The following MEOX1 variants were observed in gnomAD, a reference collection of about 807,000 sequenced individuals.
MEOX1 encodes homeobox protein MOX-1.
MEOX1 carries 17 observed loss-of-function variants against 23.2 expected under a neutral mutation model. The ratio of observed to expected loss-of-function variants is 0.73; its 90% confidence interval spans 0.50 to 1.10. The LOEUF (loss-of-function observed/expected upper bound fraction) is 1.10, where lower values mean the gene tolerates loss of function less well. Ranked by LOEUF, MEOX1 falls within the 50% of genes least tolerant of loss-of-function variation. The pLI is 0.00. For synonymous variants in MEOX1, 134 were observed against 135.1 expected, an observed-to-expected ratio of 0.99 and a Z score of 0.06; for missense variants, 333 against 332.2, an observed-to-expected ratio of 1.00 and a Z score of -0.02.
chr17:43,643,929 G>GACCT (rs1972753989), intron 1 of MEOX1, among the ~76,000 whole-genome samples: 2 of 118,954 alleles, frequency 1.7e-5, no homozygotes, highest in Non-Finnish European at 3.1e-5. Context: ...AGCATAAGAA[G>GACCT]CTACTCTTGG....
At chr17:43,647,680 C>T (rs891749788) in intron 1 of MEOX1, among the ~76,000 whole-genome samples, 1 of 152,194 alleles carries the variant, frequency 6.6e-6, no homozygotes, top group Admixed American at 6.5e-5. Context: ...TCCCCCACCC[C>T]AGTTCTGCAA....
At position 43,643,438 on chromosome 17, in the gene MEOX1, G is replaced by C. The variant is rs975200690; in HGVS notation, c.642+50C>G. Reference sequence around the variant, plus strand: ...GGAGGGGTGGTGGGAAAGGAGGGAAGGGAGGGAGATGAGAGAGCAAAGAAG... The same window carrying C: ...GGAGGGGTGGTGGGAAAGGAGGGAACGGAGGGAGATGAGAGAGCAAAGAAG... On this transcript the variant is annotated intron_variant, in intron 2 of 2. Transcript: ENST00000318579. 9 of 1,478,758 alleles carry C rather than the reference G, an allele frequency of 6.1e-6. No homozygotes were observed. In the African/African-American group the frequency reaches 9.8e-5, roughly 16 times the overall value. 91.6% of individuals were successfully genotyped at this position (1,478,758 alleles called of 1,614,324 possible).
Position 43,660,196 on chromosome 17 carries a change from G to A in MEOX1, c.469+870C>T, listed in dbSNP as rs1024046247. On this transcript the variant is annotated intron_variant, in intron 1 of 2. Coordinates refer to ENST00000318579, the MANE Select transcript of MEOX1 (RefSeq NM_004527.4). The stretch of plus-strand genomic sequence containing the variant: ...GACAGGTATAGTGAGCAACCAGGGA[G>A]GGCCTGGTGGGGAGGTGAGGAAGCA... 3.3e-5 allele frequency among the ~76,000 whole-genome samples: 5 copies of A among 152,212 alleles called. No individual in the cohort carries two copies. In the East Asian group the frequency reaches 9.6e-4, roughly 29 times the overall value.
chr17:43,643,741 C>T, intron 1 of MEOX1, 81 bp from the exon 2 acceptor site: 1 of 1,001,302 alleles, frequency 1.0e-6, no homozygotes, highest in Non-Finnish European at 1.4e-6. Context: ...AGCAACTAGG[C>T]AGTCTTTACC....
chr17:43,640,403 A>G lies in MEOX1; in HGVS notation c.*1507T>C, dbSNP rs1167217924. Reference sequence around the variant, plus strand: ...GGCCTGGGAACTTTGCTTTTTATTGATTTTATTTCTCCGAGAGTTTTCTTA... The same window carrying G: ...GGCCTGGGAACTTTGCTTTTTATTGGTTTTATTTCTCCGAGAGTTTTCTTA... On this transcript the variant is annotated 3_prime_UTR_variant, in exon 3 of 3. Coordinates refer to ENST00000318579, the MANE Select transcript of MEOX1 (RefSeq NM_004527.4). The G allele has an allele frequency of 2.0e-5, 3 of 152,130 alleles. No homozygotes were observed. Among genetic ancestry groups the G allele is most frequent in the Non-Finnish European group, 4.4e-5 (3 of 68,022 alleles). 9.4% of individuals were successfully genotyped at this position (152,130 alleles called of 1,614,324 possible). A position where few individuals can be genotyped will look rare whatever the true frequency, so the allele number is the denominator to read the frequency against.
At chr17:43,648,818 G>A (rs975223433) in intron 1 of MEOX1, among the ~76,000 whole-genome samples, 1 of 152,146 alleles carries the variant, frequency 6.6e-6, no homozygotes, top group East Asian at 1.9e-4. Flanking sequence ...CTGTTCCAAA[G>A]CCCTCCCCAG....
At position 43,641,900 on chromosome 17, in the gene MEOX1, A is replaced by G; in HGVS notation, c.*10T>C. 6.2e-7 allele frequency: 1 copy of G among 1,610,366 alleles called. No homozygotes were observed. The highest frequency in any genetic ancestry group is 8.5e-7 in the Non-Finnish European group (1 of 1,178,478). ...CTCAGTCCTTAGTCATTTTTCCTCC[A>G]TGCAGAATCTCACTCTGAACTTGGA... On this transcript the variant is annotated 3_prime_UTR_variant, in exon 3 of 3. Transcript: ENST00000318579.
intron 1 of MEOX1, among the ~76,000 whole-genome samples, chr17:43,653,004 T>G (rs1438380525): frequency 2.0e-5 from 3 of 150,420 alleles, no homozygotes; most frequent in Non-Finnish European, 4.4e-5. Context: ...GCTAATTTTT[T>G]TATATTTTTA....
chr17:43,654,550 G>A (rs1309687031), intron 1 of MEOX1, among the ~76,000 whole-genome samples: 1 of 151,964 alleles, frequency 6.6e-6, no homozygotes, highest in Non-Finnish European at 1.5e-5. Flanking sequence ...GTCAGGTGTA[G>A]TGGTTCACAC....
rs576388541 is a variant in MEOX1 at position 43,653,222 on chromosome 17, C to A, written c.469+7844G>T. Among the ~76,000 whole-genome samples, 5 of 151,572 alleles carry A rather than the reference C, an allele frequency of 3.3e-5. No individual in the cohort carries two copies. The South Asian group carries it at 1.0e-3, about 32-fold the overall frequency. ...TGGCACGATCTTGGCTCACAGCAAC[C>A]TCTACCTCCCTGGTTCAAGCGATTT... is the stretch of plus-strand genomic sequence containing the variant. On this transcript the variant is annotated intron_variant, in intron 1 of 2. Transcript: ENST00000318579.
At chr17:43,651,826 G>A (rs1033165521) in intron 1 of MEOX1, among the ~76,000 whole-genome samples, 11 of 152,222 alleles carry the variant, frequency 7.2e-5, no homozygotes, top group Admixed American at 1.3e-4. Flanking sequence ...GGAGAGTGGC[G>A]GAGCAGAGCT....
In MEOX1 at chr17:43,641,323, T is replaced by C. The variant is rs1972690761; in HGVS notation, c.*587A>G. 1 of 152,382 alleles carries C rather than the reference T, an allele frequency of 6.6e-6. No individual in the cohort carries two copies. The highest frequency in any genetic ancestry group is 1.5e-5 in the Non-Finnish European group (1 of 68,166). 9.4% of individuals were successfully genotyped at this position (152,382 alleles called of 1,614,324 possible). On this transcript the variant is annotated 3_prime_UTR_variant, in exon 3 of 3. Transcript: ENST00000318579. ...AAATTTGGAGACAGGGATGTGTTTC[T>C]GGCTTGCAGCAGCTGAGTTGCTGTC...
rs776965967 is a variant in MEOX1, at chr17:43,661,488, G to T, written c.47C>A (p.Ala16Asp). The change falls in exon 1 of 3, where the codon GCC becomes GAC. Residue 16 changes from alanine (A) to aspartate (D), a missense_variant. Physicochemically the swap from Ala to Asp is moderately radical, Grantham distance 126. Coordinates refer to ENST00000318579, the MANE Select transcript of MEOX1 (RefSeq NM_004527.4). ...GTTTCGAAGGCAGCCCCAGACAGGGGCTGGGGGCTGGAGGCTCCTCATGCA... is the reference window on the plus strand; with the variant it reads ...GTTTCGAAGGCAGCCCCAGACAGGGTCTGGGGGCTGGAGGCTCCTCATGCA... Reference protein sequence around the residue: ...SSCMRSLQPPAPVWGCLRNPH... With the variant: ...SSCMRSLQPPDPVWGCLRNPH... 2 of 1,604,198 alleles carry T rather than the reference G, an allele frequency of 1.2e-6. No individual in the cohort carries two copies. Among genetic ancestry groups the T allele is most frequent in the South Asian group, 1.1e-5 (1 of 89,670 alleles).
In MEOX1 at chr17:43,661,891, C is replaced by T; in HGVS notation, c.-357G>A. ...CGCACCAGCTGACGAGGAGTTCGTC[C>T]TGGAGCCCAGAGCAAATGCCTGCAG... On this transcript the variant is annotated 5_prime_UTR_variant, in exon 1 of 3. Coordinates refer to ENST00000318579, the MANE Select transcript of MEOX1 (RefSeq NM_004527.4). 1 of 189,648 alleles carries T rather than the reference C, an allele frequency of 5.3e-6. No individual in the cohort carries two copies. Among genetic ancestry groups the T allele is most frequent in the Non-Finnish European group, 1.1e-5 (1 of 93,538 alleles). The allele number at this position is 189,648 out of a possible 1,614,324, so 11.7% of individuals were successfully genotyped here. A position where few individuals can be genotyped will look rare whatever the true frequency, so the allele number is the denominator to read the frequency against.
chr17:43,652,115 C>T (rs1348937720), intron 1 of MEOX1, among the ~76,000 whole-genome samples: 1 of 152,136 alleles, frequency 6.6e-6, no homozygotes, highest in Non-Finnish European at 1.5e-5. Flanking sequence ...CGGGGATGCC[C>T]AGAGGGATAC....
chr17:43,658,381 C>T (rs1029672454), intron 1 of MEOX1, among the ~76,000 whole-genome samples: 1 of 152,006 alleles, frequency 6.6e-6, no homozygotes, highest in East Asian at 1.9e-4. Context: ...GGGGCGTGCG[C>T]CTATAATCCC....
intron 1 of MEOX1, 32 bp from the exon 2 acceptor site, chr17:43,643,692 TG>T: frequency 1.3e-6 from 2 of 1,593,476 alleles, no homozygotes; most frequent in Non-Finnish European, 1.7e-6. Context: ...CAGGAAGACA[TG>T]GGCTGAGGGA....
At chr17:43,646,607 T>C (rs1193762474) in intron 1 of MEOX1, among the ~76,000 whole-genome samples, 3 of 87,714 alleles carry the variant, frequency 3.4e-5, no homozygotes, top group Non-Finnish European at 7.3e-5. Flanking sequence ...CATCAAGAAA[T>C]TGAGGAAATT....
chr17:43,655,545 C>T (rs1972999735), intron 1 of MEOX1, among the ~76,000 whole-genome samples: 1 of 150,948 alleles, frequency 6.6e-6, no homozygotes, highest in South Asian at 2.1e-4. Flanking sequence ...AGAAGGAGGC[C>T]AGGCATGGTG....
Sources: gnomAD v4.1 joint callset for allele counts (sites outside exome capture counted in the v4.1 genomes callset) on GRCh38, gnomAD v4.1.1 for gene constraint, MANE v1.5 for transcripts, NCBI Gene and HGNC (gene_info 2026-07-23, HGNC 2026-07-21) for gene names.